APP: variants seen among roughly 807,000 people sequenced by gnomAD.
The protein encoded by APP is amyloid beta precursor protein.
In APP, 31 loss-of-function variants were observed where a neutral mutation model predicts 101.4. The ratio of observed to expected loss-of-function variants is 0.31; its 90% CI spans 0.23 to 0.41. The LOEUF is 0.41. Among genes scored for constraint, APP ranks in the 10% least tolerant of loss-of-function variants. The pLI, the probability that APP is intolerant of heterozygous loss-of-function variation, is 1.00. For synonymous variants in APP, 366 were observed against 364.4 expected (o/e 1.00, Z -0.05); for missense variants, 839 against 1,003.7 (o/e 0.84, Z 2.22).
chr21:26,126,988 A>AC (rs1357207190), intron 1 of APP, among the ~76,000 whole-genome samples: 5 of 151,970 alleles, frequency 3.3e-5, no homozygotes, highest in Admixed American at 1.3e-4. Flanking sequence ...AAAAAAAAAA[A>AC]ACGTTAATTT....
intron 16 of APP, 150 bp from the exon 17 acceptor site, chr21:25,892,018 T>C (rs1230486645): frequency 9.0e-6 from 6 of 663,002 alleles, no homozygotes; most frequent in Admixed American, 6.0e-5. Context: ...TCTGCCCAAC[T>C]GGTTGGTCAA....
At chr21:26,049,582 G>C (rs1346017601) in intron 5 of APP, among the ~76,000 whole-genome samples, 1 of 152,156 alleles carries the variant, frequency 6.6e-6, no homozygotes, top group Non-Finnish European at 1.5e-5. Flanking sequence ...GGAATTAAGT[G>C]GTAAGGTTAC....
At chr21:26,059,113 A>G (rs1181651110) in intron 3 of APP, among the ~76,000 whole-genome samples, 1 of 149,164 alleles carries the variant, frequency 6.7e-6, no homozygotes, top group African/African-American at 2.5e-5. Flanking sequence ...ACATTAAAAT[A>G]AAAAAAAAAC....
At chr21:25,970,077 G>C (rs955612128) in intron 11 of APP, among the ~76,000 whole-genome samples, 3 of 151,904 alleles carry the variant, frequency 2.0e-5, no homozygotes, top group Admixed American at 6.6e-5. Flanking sequence ...GGAATCCTTA[G>C]ATCAATCAAC....
At chr21:26,037,662 T>C (rs2045179300) in intron 5 of APP, among the ~76,000 whole-genome samples, 2 of 152,212 alleles carry the variant, frequency 1.3e-5, no homozygotes, top group African/African-American at 4.8e-5. Flanking sequence ...TCCACCATCA[T>C]TGTATTACAG....
chr21:26,096,796 C>T (rs1293535954), intron 2 of APP, among the ~76,000 whole-genome samples: 1 of 151,972 alleles, frequency 6.6e-6, no homozygotes, highest in African/African-American at 2.4e-5. Flanking sequence ...AAAACAAAAA[C>T]AGAACGTAAC....
chr21:26,104,404 C>A (rs1257105815), intron 2 of APP, among the ~76,000 whole-genome samples: 2 of 151,842 alleles, frequency 1.3e-5, no homozygotes, highest in African/African-American at 4.8e-5. Context: ...TAGGCAGAAG[C>A]AAAACTATTA....
chr21:25,983,030 A>G (rs950053412), intron 8 of APP, among the ~76,000 whole-genome samples: 28 of 152,254 alleles, frequency 1.8e-4, no homozygotes, highest in African/African-American at 6.8e-4. Context: ...ATAAACATCA[A>G]TAAACACATT....
intron 3 of APP, among the ~76,000 whole-genome samples, chr21:26,065,905 G>A (rs2046436197): frequency 6.6e-6 from 1 of 152,180 alleles, no homozygotes; most frequent in South Asian, 2.1e-4. Flanking sequence ...CAGATTAGGG[G>A]TTTTCAAACT....
In APP at chr21:26,105,944, C is replaced by A. The variant is rs113478059; in HGVS notation, c.225+6035G>T. ...CTCTTCTGGCAACAGCTCCTCTCCCCACATCACACGGCCACACCCACAAGG... is the reference window on the plus strand; with the variant it reads ...CTCTTCTGGCAACAGCTCCTCTCCCAACATCACACGGCCACACCCACAAGG... On this transcript the variant is annotated intron_variant, in intron 2 of 17. Transcript: ENST00000346798. 5.5e-3 allele frequency among the ~76,000 whole-genome samples: 833 copies of A among 152,326 alleles called. 5 individuals carry two copies. Among genetic ancestry groups the A allele is most frequent in the African/African-American group, 0.018 (755 of 41,566 alleles).
At chr21:26,036,391 T>C (rs1872100239) in intron 5 of APP, among the ~76,000 whole-genome samples, 1 of 152,046 alleles carries the variant, frequency 6.6e-6, no homozygotes, top group Non-Finnish European at 1.5e-5. Flanking sequence ...TTCTGAGAAA[T>C]GGCAAAGGTA....
At chr21:25,906,485 C>A (rs992080523) in intron 14 of APP, among the ~76,000 whole-genome samples, 2 of 152,322 alleles carry the variant, frequency 1.3e-5, no homozygotes, top group African/African-American at 4.8e-5. Flanking sequence ...GTTTGAGACC[C>A]TACCAGATAC....
At chr21:25,967,524 T>A (rs1160775117) in intron 11 of APP, among the ~76,000 whole-genome samples, 1 of 152,188 alleles carries the variant, frequency 6.6e-6, no homozygotes, top group East Asian at 1.9e-4. Context: ...TTTAAAACAG[T>A]TCAAGTCTTA....
At position 25,997,468 on chromosome 21, in the gene APP, A is replaced by G. The variant is rs772475288; in HGVS notation, c.1034-52T>C. 4.0e-6 allele frequency: 6 copies of G among 1,490,404 alleles called. No homozygotes were observed. In the African/African-American group the frequency reaches 6.9e-5, roughly 17 times the overall value. The allele number at this position is 1,490,404 out of a possible 1,614,324, so 92.3% of individuals were successfully genotyped here. On this transcript the variant is annotated intron_variant, in intron 7 of 17. Transcript: ENST00000346798. ...TAAAAACAAAAAGAGAAACATGGGA[A>G]TGATGGCTGAAATGCACGAGTCCAC...
chr21:26,060,787 A>G (rs2145993850), intron 3 of APP, among the ~76,000 whole-genome samples: 1 of 152,340 alleles, frequency 6.6e-6, no homozygotes, highest in East Asian at 1.9e-4. Context: ...AGTATTACAC[A>G]AAGTCTTGAG....
intron 3 of APP, among the ~76,000 whole-genome samples, chr21:26,088,693 A>G (rs1299370551): frequency 6.6e-6 from 1 of 152,214 alleles, no homozygotes; most frequent in Admixed American, 6.5e-5. Flanking sequence ...TCTAGAATTT[A>G]AGTGCTGCTT....
chr21:26,158,743 C>T (rs1390625194), intron 1 of APP, among the ~76,000 whole-genome samples: 1 of 152,196 alleles, frequency 6.6e-6, no homozygotes, highest in Non-Finnish European at 1.5e-5. Context: ...TGAAACTCTA[C>T]ACCCTCGCTG....
At chr21:25,955,022 C>T (rs1041957768) in intron 12 of APP, among the ~76,000 whole-genome samples, 47 of 151,870 alleles carry the variant, frequency 3.1e-4, no homozygotes, top group African/African-American at 1.0e-3. Flanking sequence ...ACCTCTGCCA[C>T]CTCTGATTCC....
chr21:26,163,524 T>C (rs935057456), intron 1 of APP, among the ~76,000 whole-genome samples: 1 of 152,234 alleles, frequency 6.6e-6, no homozygotes, highest in Non-Finnish European at 1.5e-5. Context: ...TCCCTGCTCA[T>C]GAACCCTCCA....
Sources: allele counts gnomAD v4.1 joint callset (sites outside exome capture counted in the v4.1 genomes callset), GRCh38; gene constraint gnomAD v4.1.1; transcripts MANE v1.5; gene names NCBI Gene and HGNC (gene_info 2026-07-23, HGNC 2026-07-21).